Variants in ASXL2 observed in about 807,000 individuals in gnomAD.
The protein encoded by ASXL2 is putative Polycomb group protein ASXL2.
Under a neutral mutation model 122.0 loss-of-function variants are expected in ASXL2, and 23 were observed. The ratio of observed to expected loss-of-function variants is 0.19; its 90% CI spans 0.14 to 0.27. The LOEUF is 0.27. Ranked by LOEUF, ASXL2 falls within the 10% of genes least tolerant of loss-of-function variation. The pLI, the probability that ASXL2 is intolerant of heterozygous loss-of-function variation, is 1.00. For missense variants in ASXL2, 1,518 were observed against 1,713.8 expected (o/e 0.89, Z 2.02); for synonymous variants, 650 against 637.0 (o/e 1.02, Z -0.31).
At chr2:25,865,195 C>T (rs1349023091) in intron 1 of ASXL2, among the ~76,000 whole-genome samples, 1 of 150,686 alleles carries the variant, frequency 6.6e-6, no homozygotes, top group Non-Finnish European at 1.5e-5. Flanking sequence ...CTTTGGGAGG[C>T]TGAAGTGGGT....
At chr2:25,860,914 A>C (rs2089837831) in intron 1 of ASXL2, among the ~76,000 whole-genome samples, 1 of 151,562 alleles carries the variant, frequency 6.6e-6, no homozygotes, top group South Asian at 2.1e-4. Flanking sequence ...TGGGAGGCTG[A>C]GGTGGGAGGA....
intron 3 of ASXL2, chr2:25,831,000 GAGAA>G (rs1559523272): frequency 2.0e-5 from 3 of 152,192 alleles, no homozygotes; most frequent in Non-Finnish European, 2.9e-5. Context: ...AGAAAGAAAA[GAGAA>G]AGAGAGTAGG....
intron 1 of ASXL2, among the ~76,000 whole-genome samples, chr2:25,856,306 C>T (rs891518267): frequency 6.6e-6 from 1 of 151,762 alleles, no homozygotes; most frequent in African/African-American, 2.4e-5. Flanking sequence ...ATCCGCCCAC[C>T]TCAGCCTCCC....
chr2:25,782,538 T>C (rs1030580461), intron 5 of ASXL2, among the ~76,000 whole-genome samples: 2 of 151,978 alleles, frequency 1.3e-5, no homozygotes, highest in Admixed American at 1.3e-4. Context: ...AGAGGAAGAC[T>C]CCATCTCAGA....
chr2:25,751,445 G>A (rs1255918837), intron 11 of ASXL2, among the ~76,000 whole-genome samples: 1 of 152,074 alleles, frequency 6.6e-6, no homozygotes, highest in African/African-American at 2.4e-5. Flanking sequence ...ACCAGCCTGT[G>A]CAACAGGGCA....
At position 25,738,576 on chromosome 2, in the gene ASXL2, T is replaced by C. The variant is rs2087774669; in HGVS notation, c.*3453A>G. The C allele has an allele frequency of 6.6e-6, 1 of 152,090 alleles. No individual in the cohort carries two copies. The highest frequency in any genetic ancestry group is 1.5e-5 in the Non-Finnish European group (1 of 68,036). The allele number at this position is 152,090 out of a possible 1,614,324, so 9.4% of individuals were successfully genotyped here. On this transcript the variant is annotated 3_prime_UTR_variant, in exon 13 of 13. Coordinates refer to ENST00000435504, the MANE Select transcript of ASXL2 (RefSeq NM_018263.6). ...ACTGATAGTGAGTTCTAGAAATAAATAGCAGTGTAATGACCAGAGAAGTCT... is the reference window on the plus strand; with the variant it reads ...ACTGATAGTGAGTTCTAGAAATAAACAGCAGTGTAATGACCAGAGAAGTCT...
intron 3 of ASXL2, among the ~76,000 whole-genome samples, chr2:25,817,165 C>T (rs984034690): frequency 1.3e-5 from 2 of 152,050 alleles, no homozygotes; most frequent in African/African-American, 2.4e-5. Context: ...GGGAAAAGAT[C>T]ATCCATAAAT....
At chr2:25,773,197 G>C (rs1470524945) in intron 5 of ASXL2, among the ~76,000 whole-genome samples, 1 of 150,220 alleles carries the variant, frequency 6.7e-6, no homozygotes, top group East Asian at 1.9e-4. Flanking sequence ...GACAGAGCGA[G>C]AGTCCATCTC....
chr2:25,789,098 A>T (rs1336009785), intron 5 of ASXL2, among the ~76,000 whole-genome samples: 3 of 151,970 alleles, frequency 2.0e-5, no homozygotes, highest in African/African-American at 7.2e-5. Context: ...ACCTACTATG[A>T]TTTTGGTTAG....
intron 1 of ASXL2, among the ~76,000 whole-genome samples, chr2:25,866,881 C>T (rs185935313): frequency 4.0e-4 from 60 of 149,958 alleles, no homozygotes; most frequent in Middle Eastern, 3.5e-3. Flanking sequence ...TACAGGCACG[C>T]GCCACCACGT....
At chr2:25,753,703 T>C in intron 10 of ASXL2, 64 bp from the exon 11 acceptor site, 1 of 1,259,176 alleles carries the variant, frequency 7.9e-7, no homozygotes, top group Non-Finnish European at 1.1e-6. Flanking sequence ...TAACTATTTA[T>C]AAATCATGAA....
At chr2:25,802,717 A>G (rs774829268) in intron 4 of ASXL2, among the ~76,000 whole-genome samples, 4 of 152,180 alleles carry the variant, frequency 2.6e-5, no homozygotes, top group Admixed American at 6.5e-5. Context: ...TCACTCCCCA[A>G]TCTCAGGGAG....
At chr2:25,761,669 T>C (rs1335667048) in intron 8 of ASXL2, among the ~76,000 whole-genome samples, 10 of 122,710 alleles carry the variant, frequency 8.1e-5, no homozygotes, top group African/African-American at 3.3e-4. Context: ...CCAGACTCCG[T>C]CTCAAAAAAA....
At chr2:25,866,013 C>T (rs1020303804) in intron 1 of ASXL2, among the ~76,000 whole-genome samples, 3 of 151,954 alleles carry the variant, frequency 2.0e-5, no homozygotes, top group Non-Finnish European at 4.4e-5. Flanking sequence ...TTGGTACAAA[C>T]GCATCATTTC....
chr2:25,770,420 C>T (rs578091414), intron 6 of ASXL2, among the ~76,000 whole-genome samples: 37 of 152,002 alleles, frequency 2.4e-4, no homozygotes, highest in Admixed American at 1.4e-3. Context: ...GGATTACAGG[C>T]GTGAGTCACT....
intron 2 of ASXL2, among the ~76,000 whole-genome samples, chr2:25,842,125 A>AG (rs2089589937): frequency 6.7e-6 from 1 of 149,514 alleles, no homozygotes; most frequent in Admixed American, 6.7e-5. Context: ...AAAAAAAAGA[A>AG]AAAAAAAAAA....
At chr2:25,834,491 A>C (rs1019228607) in intron 3 of ASXL2, among the ~76,000 whole-genome samples, 19 of 152,204 alleles carry the variant, frequency 1.2e-4, no homozygotes, top group Admixed American at 8.5e-4. Context: ...TTTCATCCAC[A>C]AACTCTTGCT....
chr2:25,820,145 C>T (rs2089291240), intron 3 of ASXL2, among the ~76,000 whole-genome samples: 1 of 152,100 alleles, frequency 6.6e-6, no homozygotes, highest in East Asian at 1.9e-4. Flanking sequence ...TGAACTCCTG[C>T]ACTCAAGCAA....
At chr2:25,782,209 C>T (rs1194506756) in intron 5 of ASXL2, among the ~76,000 whole-genome samples, 1 of 151,960 alleles carries the variant, frequency 6.6e-6, no homozygotes, top group East Asian at 1.9e-4. Flanking sequence ...ATTCTTGTCG[C>T]CGGTTACTCA....
Sources: gnomAD v4.1 joint callset for allele counts (sites outside exome capture counted in the v4.1 genomes callset) on GRCh38, gnomAD v4.1.1 for gene constraint, MANE v1.5 for transcripts, NCBI Gene and HGNC (gene_info 2026-07-23, HGNC 2026-07-21) for gene names.